ARMC9: variants seen among roughly 807,000 people sequenced by gnomAD.
The protein encoded by ARMC9 is lisH domain-containing protein ARMC9.
ARMC9 carries 94 observed loss-of-function variants against 107.0 expected under a neutral mutation model. That is an observed-to-expected ratio of 0.88 (90% CI 0.74 to 1.04). ARMC9 has a LOEUF of 1.04. Among genes scored for constraint, ARMC9 ranks in the 50% least tolerant of loss-of-function variants. ARMC9 has a pLI of 0.00. For synonymous variants in ARMC9, 380 were observed against 396.9 expected (o/e 0.96, Z 0.51); for missense variants, 942 against 1,030.1 (o/e 0.91, Z 1.17).
At chr2:231,369,530 G>A (rs1245607944) in intron 23 of ARMC9, among the ~76,000 whole-genome samples, 1 of 151,638 alleles carries the variant, frequency 6.6e-6, no homozygotes, top group Admixed American at 6.6e-5. Context: ...CTGACCTCAG[G>A]TGATCCGCCC....
rs770225857 is a variant in ARMC9, at chr2:231,350,946, C to CTTTT, written c.1995-4825_1995-4822dup. 2.0e-3 allele frequency among the ~76,000 whole-genome samples: 100 copies of CTTTT among 50,610 alleles called. 15 individuals carry two copies. The highest frequency in any genetic ancestry group is 5.6e-3 in the African/African-American group (56 of 10,086). The allele number at this position is 50,610 out of a possible 152,430, so 33.2% of individuals were successfully genotyped here. On this transcript the variant is annotated intron_variant, in intron 21 of 24. Transcript: ENST00000611582. ...ATCCTATTTGCACAAAGTGACAATT[C>CTTTT]TTTTTTTTTTTTTTTTTTTTTTTTT...
intron 7 of ARMC9, among the ~76,000 whole-genome samples, chr2:231,227,260 T>G (rs1296409099): frequency 6.6e-6 from 1 of 152,228 alleles, no homozygotes; most frequent in Non-Finnish European, 1.5e-5. Context: ...GTCTTCAGTT[T>G]GTAGCATGAA....
At chr2:231,354,699 A>T (rs1481486837) in intron 21 of ARMC9, among the ~76,000 whole-genome samples, 1 of 152,170 alleles carries the variant, frequency 6.6e-6, no homozygotes, top group Non-Finnish European at 1.5e-5. Context: ...TGAAATTGAC[A>T]TTCAAAAACA....
chr2:231,329,876 C>A (rs188202949), intron 19 of ARMC9, among the ~76,000 whole-genome samples: 1 of 152,224 alleles, frequency 6.6e-6, no homozygotes, highest in East Asian at 1.9e-4. Context: ...CATAGACAGT[C>A]ATATTATGTG....
At chr2:231,294,659 G>A (rs1260420260) in intron 18 of ARMC9, 1 of 152,858 alleles carries the variant, frequency 6.5e-6, no homozygotes, top group Non-Finnish European at 1.5e-5. Flanking sequence ...AGCGTGGCTG[G>A]GCTGTCTGTG....
intron 19 of ARMC9, among the ~76,000 whole-genome samples, chr2:231,308,395 T>A (rs1329149923): frequency 6.6e-6 from 1 of 152,172 alleles, no homozygotes; most frequent in Non-Finnish European, 1.5e-5. Context: ...AAGCCCAGGC[T>A]GGCGTGAGAG....
intron 3 of ARMC9, among the ~76,000 whole-genome samples, chr2:231,211,406 C>T (rs1326199367): frequency 6.6e-6 from 1 of 151,748 alleles, no homozygotes; most frequent in Non-Finnish European, 1.5e-5. Context: ...GTGGCAGGCA[C>T]CTGTAATCCC....
chr2:231,335,315 ACCAAT>A (rs557407973), intron 20 of ARMC9, among the ~76,000 whole-genome samples: 168 of 152,318 alleles, frequency 1.1e-3, no homozygotes, highest in African/African-American at 3.9e-3. Flanking sequence ...AATCCCAGGA[ACCAAT>A]CATGGTGCAC....
chr2:231,219,088 C>G (rs2033841057), intron 5 of ARMC9, among the ~76,000 whole-genome samples: 1 of 152,042 alleles, frequency 6.6e-6, no homozygotes, highest in African/African-American at 2.4e-5. Flanking sequence ...TCTTCCAGAA[C>G]ATTCAAGGAA....
intron 9 of ARMC9, among the ~76,000 whole-genome samples, chr2:231,248,554 A>G (rs2036984547): frequency 6.6e-6 from 1 of 152,100 alleles, no homozygotes; most frequent in Non-Finnish European, 1.5e-5. Flanking sequence ...TTACACGTGT[A>G]ATCCCAGCCT....
At chr2:231,203,868 G>T (rs978424864) in intron 1 of ARMC9, among the ~76,000 whole-genome samples, 6 of 152,170 alleles carry the variant, frequency 3.9e-5, no homozygotes, top group African/African-American at 1.4e-4. Flanking sequence ...GCTGAAGCAG[G>T]AGAATTGCTG....
intron 14 of ARMC9, 124 bp from the exon 15 acceptor site, chr2:231,276,512 C>T (rs543173142): frequency 4.1e-5 from 54 of 1,302,692 alleles, no homozygotes; most frequent in South Asian, 2.2e-4. Context: ...TCAGGTGATC[C>T]GTCCGCCTTG....
At chr2:231,205,755 G>GT (rs1394319916) in intron 1 of ARMC9, among the ~76,000 whole-genome samples, 1 of 152,246 alleles carries the variant, frequency 6.6e-6, no homozygotes, top group African/African-American at 2.4e-5. Context: ...TGAAGTCAAG[G>GT]TGTCTGCAGT....
At chr2:231,271,539 C>T (rs947235216) in intron 13 of ARMC9, among the ~76,000 whole-genome samples, 1 of 152,146 alleles carries the variant, frequency 6.6e-6, no homozygotes, top group African/African-American at 2.4e-5. Flanking sequence ...TAACATGCCC[C>T]CATAACTGAA....
At chr2:231,289,728 A>C (rs969462113) in intron 17 of ARMC9, among the ~76,000 whole-genome samples, 5 of 152,018 alleles carry the variant, frequency 3.3e-5, no homozygotes, top group Non-Finnish European at 5.9e-5. Flanking sequence ...TGGTCCCTCA[A>C]CTCATGGACA....
Position 231,214,922 on chromosome 2 carries a change from A to T in ARMC9, c.269A>T (p.Asp90Val), listed in dbSNP as rs1462326309. ...ATTTCAAGTTCCATCCGAGATGGGG[A>T]CTCCTTTGCCCAGAAGCTGGAATTC... ...EHISSSIRDG[D>V]SFAQKLEFYL... Residue 90 changes from aspartate to valine, a missense_variant, in exon 4 of 25, where the codon GAC becomes GTC. Coordinates refer to ENST00000611582, the MANE Select transcript of ARMC9 (RefSeq NM_001352754.2). 3 of 1,613,470 alleles carry T rather than the reference A, an allele frequency of 1.9e-6. No individual in the cohort carries two copies. The highest frequency in any genetic ancestry group is 2.5e-6 in the Non-Finnish European group (3 of 1,179,886).
rs745552621 is a variant in ARMC9, at chr2:231,345,079, C to T, written c.1983C>T (p.Asn661=). The T allele has an allele frequency of 1.7e-5, 27 of 1,613,336 alleles. No individual in the cohort carries two copies. Among genetic ancestry groups the T allele is most frequent in the African/African-American group, 4.0e-5 (3 of 74,866 alleles). The change falls in exon 21 of 25, where the codon AAC becomes AAT. Residue 661 remains asparagine (N), a synonymous_variant. Coordinates refer to ENST00000611582, the MANE Select transcript of ARMC9 (RefSeq NM_001352754.2). ...QRPVTPGGHR[N]GYPVVEDQHT... The stretch of plus-strand genomic sequence containing the variant: ...CCGTCACCCCCGGCGGCCACAGAAA[C>T]GGGTACCCAGTGTAAGTCAGGGCTA...
At chr2:231,357,490 G>A (rs1263463876) in intron 22 of ARMC9, among the ~76,000 whole-genome samples, 5 of 152,190 alleles carry the variant, frequency 3.3e-5, no homozygotes, top group Non-Finnish European at 4.4e-5. Context: ...CAGAGACCAG[G>A]AATAGTCACT....
intron 19 of ARMC9, among the ~76,000 whole-genome samples, chr2:231,325,942 G>T (rs1220229072): frequency 9.2e-5 from 14 of 152,196 alleles, no homozygotes; most frequent in Non-Finnish European, 2.1e-4. Flanking sequence ...GTAACTGTGA[G>T]CCTGGGCCCT....
Sources: gnomAD v4.1 joint callset for allele counts (sites outside exome capture counted in the v4.1 genomes callset) on GRCh38, gnomAD v4.1.1 for gene constraint, MANE v1.5 for transcripts, NCBI Gene and HGNC (gene_info 2026-07-23, HGNC 2026-07-21) for gene names.